FGGY: variants seen among roughly 807,000 people sequenced by gnomAD.
FGGY encodes the protein FGGY carbohydrate kinase domain-containing protein.
A neutral mutation model predicts 71.3 loss-of-function variants in FGGY; 72 were observed. The observed-to-expected ratio is 1.01, with a 90% CI of 0.84 to 1.23. The LOEUF is 1.23. Among genes scored for constraint, FGGY ranks in the 50% most tolerant of loss-of-function variants. The pLI is 0.00. For synonymous variants in FGGY, 251 were observed against 250.3 expected (o/e 1.00, Z -0.02); for missense variants, 668 against 682.3 (o/e 0.98, Z 0.23).
At chr1:59,592,283 C>T (rs1442901697) in intron 8 of FGGY, among the ~76,000 whole-genome samples, 2 of 151,772 alleles carry the variant, frequency 1.3e-5, no homozygotes, top group East Asian at 3.9e-4. Flanking sequence ...AGTCAGGAAA[C>T]AACAGGTGCT....
At chr1:59,676,089 A>G (rs555744542) in intron 14 of FGGY, among the ~76,000 whole-genome samples, 1 of 152,106 alleles carries the variant, frequency 6.6e-6, no homozygotes, top group South Asian at 2.1e-4. Flanking sequence ...GAGCCTCCAG[A>G]ACTGTGAGAA....
chr1:59,299,888 G>C (rs747015411), intron 1 of FGGY, among the ~76,000 whole-genome samples: 1 of 152,206 alleles, frequency 6.6e-6, no homozygotes, highest in African/African-American at 2.4e-5. Flanking sequence ...GGTGGAGAAT[G>C]AGCAGGTAAT....
At chr1:59,586,902 G>T (rs922187939) in intron 8 of FGGY, among the ~76,000 whole-genome samples, 127 of 152,332 alleles carry the variant, frequency 8.3e-4, no homozygotes, top group African/African-American at 2.9e-3. Flanking sequence ...TCCATCTGAG[G>T]TACCGGGTTC....
intron 5 of FGGY, among the ~76,000 whole-genome samples, chr1:59,406,965 G>T (rs529875451): frequency 6.6e-6 from 1 of 152,286 alleles, no homozygotes; most frequent in East Asian, 1.9e-4. Flanking sequence ...TGTCACCCTT[G>T]CCCTGCTCTG....
intron 1 of FGGY, among the ~76,000 whole-genome samples, chr1:59,313,502 A>G (rs1375719339): frequency 6.6e-6 from 1 of 152,188 alleles, no homozygotes; most frequent in Non-Finnish European, 1.5e-5. Flanking sequence ...CAGCAATTGC[A>G]AAAATGTGAA....
intron 7 of FGGY, among the ~76,000 whole-genome samples, chr1:59,536,432 CTA>C (rs2095316643): frequency 6.6e-6 from 1 of 152,212 alleles, no homozygotes. Flanking sequence ...CCTTCTGAAA[CTA>C]TTCCAATCAA....
intron 14 of FGGY, among the ~76,000 whole-genome samples, chr1:59,704,969 G>A (rs1573473043): frequency 6.6e-6 from 1 of 152,266 alleles, no homozygotes; most frequent in Non-Finnish European, 1.5e-5. Context: ...CAATTTTCGG[G>A]CAGAAAATGA....
chr1:59,645,706 T>A lies in FGGY; in HGVS notation c.1221+7331T>A, dbSNP rs895418403. ...TTTGTTTTGTGGTGTTTGGGATTTTTAAAAATTATTTTCCTGAAATAACCA... is the reference window on the plus strand; with the variant it reads ...TTTGTTTTGTGGTGTTTGGGATTTTAAAAAATTATTTTCCTGAAATAACCA... On this transcript the variant is annotated intron_variant, in intron 11 of 15. Transcript: ENST00000303721. Among the ~76,000 whole-genome samples the A allele has an allele frequency of 3.3e-5, 5 of 152,326 alleles. No individual in the cohort carries two copies. In the East Asian group the frequency reaches 9.6e-4, roughly 29 times the overall value.
chr1:59,656,169 T>A (rs150696948), intron 11 of FGGY, among the ~76,000 whole-genome samples: 4 of 152,146 alleles, frequency 2.6e-5, no homozygotes, highest in African/African-American at 9.6e-5. Flanking sequence ...AACTCTCACA[T>A]CGGGCTTCCC....
intron 4 of FGGY, among the ~76,000 whole-genome samples, chr1:59,368,869 A>G (rs2057034254): frequency 6.6e-6 from 1 of 152,044 alleles, no homozygotes; most frequent in South Asian, 2.1e-4. Context: ...AAGTGGGTGG[A>G]TCACAAGGTC....
intron 7 of FGGY, among the ~76,000 whole-genome samples, chr1:59,549,466 C>T (rs1035564743): frequency 6.6e-6 from 1 of 152,198 alleles, no homozygotes; most frequent in African/African-American, 2.4e-5. Flanking sequence ...CCAACTTCTA[C>T]CTCTAAGTTA....
chr1:59,589,991 A>G (rs2096397514), intron 8 of FGGY, among the ~76,000 whole-genome samples: 1 of 152,116 alleles, frequency 6.6e-6, no homozygotes, highest in African/African-American at 2.4e-5. Context: ...AAATTAATGA[A>G]TCTAGGAGCT....
At chr1:59,743,700 GTTC>G (rs1444358204) in intron 14 of FGGY, among the ~76,000 whole-genome samples, 2 of 151,954 alleles carry the variant, frequency 1.3e-5, no homozygotes, top group African/African-American at 2.4e-5. Flanking sequence ...GCCGGAGCAA[GTTC>G]TTATTTGTAA....
intron 6 of FGGY, among the ~76,000 whole-genome samples, chr1:59,494,817 C>A (rs532781559): frequency 1.3e-5 from 2 of 152,234 alleles, no homozygotes; most frequent in South Asian, 2.1e-4. Flanking sequence ...AACAAAAATT[C>A]TTTATAGTAG....
intron 8 of FGGY, among the ~76,000 whole-genome samples, chr1:59,569,176 A>C (rs1428432160): frequency 6.6e-6 from 1 of 152,216 alleles, no homozygotes; most frequent in African/African-American, 2.4e-5. Context: ...TAATCCTCAC[A>C]ACAAATATGT....
At chr1:59,679,882 A>G (rs369123653) in intron 14 of FGGY, among the ~76,000 whole-genome samples, 7 of 152,254 alleles carry the variant, frequency 4.6e-5, no homozygotes, top group African/African-American at 1.7e-4. Flanking sequence ...GGTTTTCTCC[A>G]TTGTTTTAAA....
At position 59,353,484 on chromosome 1, in the gene FGGY, AC is replaced by A. The variant is rs546027564; in HGVS notation, c.465+7087del. 3.0e-3 allele frequency among the ~76,000 whole-genome samples: 456 copies of A among 152,362 alleles called. 3 individuals are homozygous for A. Among genetic ancestry groups the A allele is most frequent in the African/African-American group, 0.01 (430 of 41,580 alleles). On this transcript the variant is annotated intron_variant, in intron 4 of 15. Transcript: ENST00000303721. ...CATAGAAAATAGAGAATAGAAGAGC[AC>A]AGAACATATTTTCAGTCATTCATTT... is the stretch of plus-strand genomic sequence containing the variant.
At chr1:59,585,874 A>G (rs1442634365) in intron 8 of FGGY, among the ~76,000 whole-genome samples, 1 of 152,244 alleles carries the variant, frequency 6.6e-6, no homozygotes, top group Admixed American at 6.5e-5. Flanking sequence ...GACACTTCTC[A>G]AAAGAAGACA....
intron 4 of FGGY, among the ~76,000 whole-genome samples, chr1:59,347,992 A>G (rs2052453397): frequency 6.6e-6 from 1 of 152,216 alleles, no homozygotes; most frequent in Admixed American, 6.5e-5. Context: ...TGCACAGCAA[A>G]AGAAACTACC....
Sources: allele counts gnomAD v4.1 joint callset (sites outside exome capture counted in the v4.1 genomes callset), GRCh38; gene constraint gnomAD v4.1.1; transcripts MANE v1.5; gene names NCBI Gene and HGNC (gene_info 2026-07-23, HGNC 2026-07-21).